NELL1: variants seen among roughly 807,000 people sequenced by gnomAD.
The protein encoded by NELL1 is neural EGFL like 1.
A neutral mutation model predicts 107.4 loss-of-function variants in NELL1; 76 were observed. The ratio of observed to expected loss-of-function variants is 0.71; its 90% confidence interval spans 0.59 to 0.86. NELL1 has a LOEUF of 0.86. Among genes scored for constraint, NELL1 ranks in the 40% least tolerant of loss-of-function variants. The pLI is 0.00. For synonymous variants in NELL1, 353 were observed against 341.2 expected, an observed-to-expected ratio of 1.03 and a Z score of -0.38; for missense variants, 1,024 against 1,005.5, an observed-to-expected ratio of 1.02 and a Z score of -0.25.
intron 13 of NELL1, among the ~76,000 whole-genome samples, chr11:21,182,230 T>G (rs1484824545): frequency 1.3e-5 from 2 of 151,652 alleles, no homozygotes; most frequent in South Asian, 2.1e-4. Context: ...GGTCATGAGT[T>G]CGAGAGCAGC....
At chr11:21,543,472 G>A (rs1181473310) in intron 16 of NELL1, among the ~76,000 whole-genome samples, 3 of 151,998 alleles carry the variant, frequency 2.0e-5, no homozygotes, top group Non-Finnish European at 4.4e-5. Context: ...ACCTCAGTAT[G>A]GAATGGATAT....
intron 15 of NELL1, among the ~76,000 whole-genome samples, chr11:21,494,857 C>A (rs569512752): frequency 2.6e-5 from 4 of 151,840 alleles, no homozygotes; most frequent in African/African-American, 9.7e-5. Context: ...TTCCTATTGA[C>A]TTTTCTCCCA....
chr11:21,050,491 T>A (rs1392315393), intron 12 of NELL1, among the ~76,000 whole-genome samples: 1 of 152,156 alleles, frequency 6.6e-6, no homozygotes, highest in Non-Finnish European at 1.5e-5. Flanking sequence ...CTGAAATGAC[T>A]GGAAGAATTA....
intron 2 of NELL1, among the ~76,000 whole-genome samples, chr11:20,719,274 C>T (rs532122667): frequency 2.4e-4 from 37 of 152,176 alleles, no homozygotes; most frequent in Non-Finnish European, 5.3e-4. Flanking sequence ...GATCATAGCC[C>T]AGGATCCTGT....
chr11:20,984,049 A>G (rs957954162), intron 12 of NELL1, among the ~76,000 whole-genome samples: 2 of 151,906 alleles, frequency 1.3e-5, no homozygotes, highest in Non-Finnish European at 2.9e-5. Context: ...CTTTTTTTTC[A>G]GATCTCAGGT....
chr11:21,071,391 G>T (rs1437603055), intron 12 of NELL1, among the ~76,000 whole-genome samples: 1 of 152,024 alleles, frequency 6.6e-6, no homozygotes, highest in African/African-American at 2.4e-5. Flanking sequence ...GGCACATATT[G>T]GCCTCTCAAT....
At chr11:21,538,704 C>T (rs1856209765) in intron 16 of NELL1, among the ~76,000 whole-genome samples, 1 of 152,070 alleles carries the variant, frequency 6.6e-6, no homozygotes, top group Non-Finnish European at 1.5e-5. Flanking sequence ...AAGTTGTGAG[C>T]AATTGCTTTT....
At chr11:21,107,637 A>G (rs780318082) in intron 12 of NELL1, among the ~76,000 whole-genome samples, 3 of 152,108 alleles carry the variant, frequency 2.0e-5, no homozygotes, top group Non-Finnish European at 4.4e-5. Flanking sequence ...CTGGACCTGT[A>G]TCTTGGGAAA....
At chr11:21,505,845 G>A (rs1002229239) in intron 15 of NELL1, among the ~76,000 whole-genome samples, 2 of 152,066 alleles carry the variant, frequency 1.3e-5, no homozygotes, top group African/African-American at 4.8e-5. Context: ...TCAGTTGTAG[G>A]CCCATGCTTT....
Position 21,573,397 on chromosome 11 carries a change from C to T in NELL1, c.2370C>T (p.Thr790=). ...CGATGGCTGGATCTCCCTGCACAAC[C>T]TGTAAATGCAAGGTAATTGGATGTT... ...VWTMAGSPCT[T]CKCKNGRVCC... is the part of the protein sequence containing the mutation. Residue 790 remains threonine (T), a synonymous_variant, in exon 19 of 20, where the codon ACC becomes ACT. Coordinates refer to ENST00000357134, the MANE Select transcript of NELL1 (RefSeq NM_006157.5). 2 of 1,611,612 alleles carry T rather than the reference C, an allele frequency of 1.2e-6. No homozygotes were observed. The highest frequency in any genetic ancestry group is 1.7e-6 in the Non-Finnish European group (2 of 1,178,630).
At chr11:20,777,547 T>C (rs1398341819) in intron 2 of NELL1, among the ~76,000 whole-genome samples, 3 of 152,218 alleles carry the variant, frequency 2.0e-5, no homozygotes, top group Non-Finnish European at 4.4e-5. Flanking sequence ...CCTCCCATCC[T>C]CCAAAACCAG....
chr11:21,441,295 T>C (rs911082978), intron 15 of NELL1, among the ~76,000 whole-genome samples: 2 of 151,790 alleles, frequency 1.3e-5, no homozygotes, highest in Non-Finnish European at 2.9e-5. Flanking sequence ...AGGATAATTC[T>C]GAACAGCCAT....
At chr11:20,915,113 A>C (rs1381218223) in intron 5 of NELL1, among the ~76,000 whole-genome samples, 1 of 152,058 alleles carries the variant, frequency 6.6e-6, no homozygotes, top group Non-Finnish European at 1.5e-5. Flanking sequence ...ATGAAAATCT[A>C]TTATCTTTGG....
chr11:20,964,855 C>T (rs1225278269), intron 12 of NELL1, among the ~76,000 whole-genome samples: 6 of 152,192 alleles, frequency 3.9e-5, no homozygotes, highest in African/African-American at 1.2e-4. Flanking sequence ...CAGGTCAGGG[C>T]TTCTCCTTTA....
At chr11:20,941,985 G>C (rs1850864671) in intron 10 of NELL1, among the ~76,000 whole-genome samples, 1 of 152,158 alleles carries the variant, frequency 6.6e-6, no homozygotes, top group Non-Finnish European at 1.5e-5. Context: ...AGAAATCACT[G>C]TGTCTCAGAA....
At chr11:21,013,297 G>T (rs528292627) in intron 12 of NELL1, among the ~76,000 whole-genome samples, 1 of 152,080 alleles carries the variant, frequency 6.6e-6, no homozygotes. Context: ...CTTATGCCCT[G>T]TGTTGGAATG....
At chr11:20,915,982 T>C (rs1466529454) in intron 5 of NELL1, among the ~76,000 whole-genome samples, 1 of 151,650 alleles carries the variant, frequency 6.6e-6, no homozygotes, top group Non-Finnish European at 1.5e-5. Context: ...ATCTTTAGAT[T>C]ATAAGTGGTA....
At position 20,755,865 on chromosome 11, in the gene NELL1, G is replaced by GTT. The variant is rs574606148; in HGVS notation, c.185-27773_185-27772dup. On this transcript the variant is annotated intron_variant, in intron 2 of 19. Transcript: ENST00000357134. ...GCCACCACGCCCAGCCAGACCTGCGGTTTTTTTTTTTTTTTTTTTTTTTTT... is the reference window on the plus strand; with the variant it reads ...GCCACCACGCCCAGCCAGACCTGCGGTTTTTTTTTTTTTTTTTTTTTTTTTTT... Among the ~76,000 whole-genome samples the GTT allele has an allele frequency of 2.0e-3, 243 of 122,026 alleles. 7 individuals carry two copies. Among genetic ancestry groups the GTT allele is most frequent in the Middle Eastern group, 4.1e-3 (1 of 246 alleles). The allele number at this position is 122,026 out of a possible 152,430, so 80.1% of individuals were successfully genotyped here.
chr11:21,526,028 G>A (rs920518220), intron 15 of NELL1, among the ~76,000 whole-genome samples: 2 of 152,118 alleles, frequency 1.3e-5, no homozygotes, highest in African/African-American at 2.4e-5. Flanking sequence ...TAACTCAGAA[G>A]TCTAAAGTCC....
Sources: gnomAD v4.1 joint callset for allele counts (sites outside exome capture counted in the v4.1 genomes callset) on GRCh38, gnomAD v4.1.1 for gene constraint, MANE v1.5 for transcripts, NCBI Gene and HGNC (gene_info 2026-07-23, HGNC 2026-07-21) for gene names.